PPARG: variants seen among roughly 807,000 people sequenced by gnomAD.
PPARG encodes the protein peroxisome proliferator activated receptor gamma, also known as peroxisome proliferator-activated receptor gamma.
In PPARG, 17 loss-of-function variants were observed where a neutral mutation model predicts 39.2. The observed-to-expected ratio is 0.43, with a 90% CI of 0.30 to 0.65. The LOEUF (loss-of-function observed/expected upper bound fraction) is 0.65. PPARG is among the 30% of genes least tolerant of loss of function. The pLI is 0.13. For synonymous variants in PPARG, 223 were observed against 215.7 expected (o/e 1.03, Z -0.30); for missense variants, 406 against 585.9 (o/e 0.69, Z 3.17).
intron 1 of PPARG, among the ~76,000 whole-genome samples, chr3:12,310,968 C>CCA (rs2047225055): frequency 1.3e-5 from 2 of 152,084 alleles, no homozygotes; most frequent in African/African-American, 2.4e-5. Context: ...TGCTGTGATA[C>CCA]TGGTCAGCAG....
chr3:12,330,429 A>G lies in PPARG; in HGVS notation c.-9+17976A>G, dbSNP rs1327993156. Among the ~76,000 whole-genome samples, 3 of 150,604 alleles carry G rather than the reference A, an allele frequency of 2.0e-5. No homozygotes were observed. The East Asian group carries it at 5.9e-4, about 30-fold the overall frequency. On this transcript the variant is annotated intron_variant, in intron 2 of 7. Transcript: ENST00000651735. ...TTTCATGTGCTTATTGGTCATTTGT[A>G]TGGGTTCTTTGGAGAAATGTGTATT...
At chr3:12,325,668 A>T (rs2047675737) in intron 2 of PPARG, among the ~76,000 whole-genome samples, 1 of 142,812 alleles carries the variant, frequency 7.0e-6, no homozygotes, top group Admixed American at 7.0e-5. Context: ...CTCCACTTTG[A>T]TTTTTTTTTT....
At chr3:12,301,434 GTAATT>G (rs1192467532) in intron 1 of PPARG, 1 of 152,174 alleles carries the variant, frequency 6.6e-6, no homozygotes, top group Non-Finnish European at 1.5e-5. Context: ...TTCATAATAT[GTAATT>G]TAATTCAGTT....
intron 5 of PPARG, among the ~76,000 whole-genome samples, chr3:12,402,154 C>G (rs2125242783): frequency 6.6e-6 from 1 of 152,248 alleles, no homozygotes; most frequent in South Asian, 2.1e-4. Context: ...AGAACCATGC[C>G]TGGCGCACAA....
At chr3:12,409,753 G>A (rs965682849) in intron 6 of PPARG, among the ~76,000 whole-genome samples, 2 of 152,132 alleles carry the variant, frequency 1.3e-5, no homozygotes, top group Non-Finnish European at 2.9e-5. Context: ...CAGAACCTTT[G>A]GAAAAGGAAA....
intron 5 of PPARG, among the ~76,000 whole-genome samples, chr3:12,397,864 C>G (rs975603936): frequency 6.6e-6 from 1 of 152,064 alleles, no homozygotes; most frequent in Non-Finnish European, 1.5e-5. Flanking sequence ...ACTCCAGAAC[C>G]GCCCATGTTG....
At chr3:12,290,982 G>T (rs2046635045) in intron 1 of PPARG, among the ~76,000 whole-genome samples, 3 of 152,150 alleles carry the variant, frequency 2.0e-5, no homozygotes, top group Admixed American at 2.0e-4. Flanking sequence ...GACAGAGTTG[G>T]TCATTCTAAT....
intron 2 of PPARG, among the ~76,000 whole-genome samples, chr3:12,339,286 AT>A (rs2048106095): frequency 6.6e-6 from 1 of 152,200 alleles, no homozygotes; most frequent in Non-Finnish European, 1.5e-5. Flanking sequence ...AGTATAATAG[AT>A]TAACAGTTGT....
chr3:12,355,053 C>T (rs1199916326), intron 2 of PPARG, among the ~76,000 whole-genome samples: 1 of 152,156 alleles, frequency 6.6e-6, no homozygotes, highest in Non-Finnish European at 1.5e-5. Flanking sequence ...GTTTTCTTCT[C>T]AGAGGCATTG....
intron 4 of PPARG, among the ~76,000 whole-genome samples, chr3:12,387,297 T>C (rs2049912069): frequency 1.3e-5 from 2 of 152,360 alleles, no homozygotes; most frequent in Non-Finnish European, 2.9e-5. Context: ...ATTGCCACAC[T>C]GTCTTCCACA....
At chr3:12,322,904 T>C (rs1373812809) in intron 2 of PPARG, among the ~76,000 whole-genome samples, 1 of 151,956 alleles carries the variant, frequency 6.6e-6, no homozygotes, top group Non-Finnish European at 1.5e-5. Flanking sequence ...CAGGCTGGAG[T>C]GATCCTCCCA....
At chr3:12,378,816 G>C (rs2049513489) in intron 2 of PPARG, among the ~76,000 whole-genome samples, 1 of 152,118 alleles carries the variant, frequency 6.6e-6, no homozygotes, top group African/African-American at 2.4e-5. Flanking sequence ...TTTGAAATTT[G>C]CTAAGACAGT....
intron 1 of PPARG, among the ~76,000 whole-genome samples, chr3:12,292,754 TG>T (rs986481427): frequency 6.6e-6 from 1 of 152,144 alleles, no homozygotes; most frequent in African/African-American, 2.4e-5. Context: ...GTCTTGGTGA[TG>T]GGAAGTTACT....
intron 1 of PPARG, among the ~76,000 whole-genome samples, chr3:12,294,759 G>A (rs1417193353): frequency 1.3e-5 from 2 of 152,096 alleles, no homozygotes; most frequent in African/African-American, 4.8e-5. Context: ...TCGGCATGGT[G>A]GCACGTGCCT....
chr3:12,350,009 G>C (rs1013248528), intron 2 of PPARG, among the ~76,000 whole-genome samples: 6 of 152,162 alleles, frequency 3.9e-5, no homozygotes, highest in Non-Finnish European at 8.8e-5. Context: ...CTGCATCTGT[G>C]TGTTGCCAAA....
chr3:12,363,667 A>G (rs1305289245), intron 2 of PPARG, among the ~76,000 whole-genome samples: 2 of 152,064 alleles, frequency 1.3e-5, no homozygotes, highest in African/African-American at 2.4e-5. Context: ...CAGCAGGGAA[A>G]CAGTACTCTG....
intron 1 of PPARG, among the ~76,000 whole-genome samples, chr3:12,296,081 G>A (rs946876191): frequency 2.7e-5 from 4 of 150,806 alleles, no homozygotes; most frequent in Admixed American, 6.6e-5. Context: ...GCAGAACCCC[G>A]TCTCTACAAT....
At chr3:12,373,320 GTGTT>G (rs2049287681) in intron 2 of PPARG, among the ~76,000 whole-genome samples, 1 of 152,162 alleles carries the variant, frequency 6.6e-6, no homozygotes, top group African/African-American at 2.4e-5. Flanking sequence ...GGGGAAAAGT[GTGTT>G]TGGGCAATGT....
chr3:12,373,486 G>A (rs1236789093), intron 2 of PPARG, among the ~76,000 whole-genome samples: 1 of 152,102 alleles, frequency 6.6e-6, no homozygotes, highest in Non-Finnish European at 1.5e-5. Flanking sequence ...AATGGTTATG[G>A]CTTAAGTTGT....
Sources: gnomAD v4.1 joint callset for allele counts (sites outside exome capture counted in the v4.1 genomes callset) on GRCh38, gnomAD v4.1.1 for gene constraint, MANE v1.5 for transcripts, NCBI Gene and HGNC (gene_info 2026-07-23, HGNC 2026-07-21) for gene names.